BRD3: variants seen among roughly 807,000 people sequenced by gnomAD.
BRD3 encodes bromodomain containing 3.
Under a neutral mutation model 66.8 loss-of-function variants are expected in BRD3, and 17 were observed. The observed-to-expected ratio is 0.25, with a 90% CI of 0.17 to 0.38. The LOEUF (loss-of-function observed/expected upper bound fraction) is 0.38, where lower values mean the gene tolerates loss of function less well. BRD3 is among the 10% of genes least tolerant of loss of function. The probability of loss-of-function intolerance (pLI) is 1.00; values close to 1 mark genes in which losing one functional copy is unlikely to be tolerated. For synonymous variants in BRD3, 421 were observed against 393.2 expected, an observed-to-expected ratio of 1.07 and a Z score of -0.84; for missense variants, 713 against 956.1, an observed-to-expected ratio of 0.75 and a Z score of 3.35.
At position 134,034,251 on chromosome 9, in the gene BRD3, G is replaced by A. The variant is rs967767570; in HGVS notation, c.2065+450C>T. Among the ~76,000 whole-genome samples the A allele has an allele frequency of 1.6e-4, 25 of 152,244 alleles. 1 individual carries two copies. Among genetic ancestry groups the A allele is most frequent in the Admixed American group, 2.0e-4 (3 of 15,294 alleles). On this transcript the variant is annotated intron_variant, in intron 11 of 11. Transcript: ENST00000303407. ...CAGGGTCCAGAAAAAGGAGGCAAGG[G>A]CTCAAATGCTGGCTCCCCTGAGCAA... is the stretch of plus-strand genomic sequence containing the variant.
intron 7 of BRD3, among the ~76,000 whole-genome samples, chr9:134,044,803 C>T (rs924493377): frequency 6.6e-6 from 1 of 152,244 alleles, no homozygotes; most frequent in Non-Finnish European, 1.5e-5. Flanking sequence ...TCCCTGAAGA[C>T]ATCTCACTGC....
At chr9:134,043,746 T>C (rs188858883) in intron 7 of BRD3, among the ~76,000 whole-genome samples, 27 of 152,282 alleles carry the variant, frequency 1.8e-4, no homozygotes, top group Admixed American at 1.3e-3. Context: ...CAGGCTGGAG[T>C]GCTGTGCAAC....
At chr9:134,039,883 G>A in intron 9 of BRD3, 151 bp downstream of exon 9, 1 of 1,425,660 alleles carries the variant, frequency 7.0e-7, no homozygotes. Flanking sequence ...CCCAGCACAG[G>A]TCTCATCAGG....
intron 1 of BRD3, among the ~76,000 whole-genome samples, chr9:134,061,531 A>G (rs951820111): frequency 1.3e-5 from 2 of 152,142 alleles, no homozygotes; most frequent in African/African-American, 4.8e-5. Context: ...AAGCTAGGGG[A>G]GGCCTTTCCC....
chr9:134,051,547 C>T lies in BRD3; in HGVS notation c.499+15G>A, dbSNP rs199980105. ...CAGAGAGGCCCAGCCCCTCGCCTGC[C>T]CCAGCTCCCTTTACCTGCGCTCTGG... On this transcript the variant is annotated intron_variant, in intron 4 of 11. Transcript: ENST00000303407. The T allele has an allele frequency of 1.0e-5, 16 of 1,527,028 alleles. No individual in the cohort carries two copies. The highest frequency in any genetic ancestry group is 5.2e-6 in the Non-Finnish European group (6 of 1,150,630). The allele number at this position is 1,527,028 out of a possible 1,614,324, so 94.6% of individuals were successfully genotyped here.
Position 134,053,479 on chromosome 9 carries a change from C to T in BRD3, c.-2G>A, listed in dbSNP as rs536898517. 1.6e-5 allele frequency: 26 copies of T among 1,586,102 alleles called. No individual in the cohort carries two copies. The highest frequency in any genetic ancestry group is 4.2e-4 in the Middle Eastern group (2 of 4,808). On this transcript the variant is annotated 5_prime_UTR_variant, in exon 2 of 12. Coordinates refer to ENST00000303407, the MANE Select transcript of BRD3 (RefSeq NM_007371.4). ...GGCGACTGTCGTGGCGGTGGACATC[C>T]TCCGGCAGCTCACTCACTTTCTGTC...
At chr9:134,067,701 A>AGCGGAGCCC (rs1332399161) in intron 1 of BRD3, among the ~76,000 whole-genome samples, 7 of 144,696 alleles carry the variant, frequency 4.8e-5, no homozygotes, top group Admixed American at 4.8e-4. Flanking sequence ...GGAGGAGGGG[A>AGCGGAGCCC]GCGGAGCCCG....
At chr9:134,063,174 C>A (rs562093436) in intron 1 of BRD3, among the ~76,000 whole-genome samples, 1 of 152,240 alleles carries the variant, frequency 6.6e-6, no homozygotes, top group African/African-American at 2.4e-5. Context: ...TCTGCTCACC[C>A]CCAACCACAA....
At chr9:134,067,897 G>T in intron 1 of BRD3, 48 bp downstream of exon 1, 1 of 144,720 alleles carries the variant, frequency 6.9e-6, no homozygotes, top group South Asian at 1.9e-4. Context: ...GCCGCCGCCC[G>T]CGCCGCCCGC....
intron 9 of BRD3, among the ~76,000 whole-genome samples, chr9:134,038,300 G>A (rs867718748): frequency 2.2e-4 from 34 of 151,988 alleles, no homozygotes; most frequent in Admixed American, 1.3e-3. Context: ...GATTACAGGC[G>A]CCCGTCACCA....
chr9:134,053,595 A>G lies in BRD3; in HGVS notation c.-113-5T>C. 4.2e-6 allele frequency: 6 copies of G among 1,444,630 alleles called. No individual in the cohort carries two copies. Among genetic ancestry groups the G allele is most frequent in the Non-Finnish European group, 4.5e-6 (5 of 1,103,136 alleles). 89.5% of individuals were successfully genotyped at this position (1,444,630 alleles called of 1,614,324 possible). On this transcript the variant is annotated splice_polypyrimidine_tract_variant and splice_region_variant and intron_variant, in intron 1 of 11. Transcript: ENST00000303407. Reference sequence around the variant, plus strand: ...CCGGGCCCAACCAGGCGACAGCTGCAGAGGAGGAAGCACAACAGAGAGGAA... The same window carrying G: ...CCGGGCCCAACCAGGCGACAGCTGCGGAGGAGGAAGCACAACAGAGAGGAA...
rs113788064 is a variant in BRD3 at position 134,042,726 on chromosome 9, T to C, written c.1216-775A>G. 5.4e-5 allele frequency among the ~76,000 whole-genome samples: 8 copies of C among 148,162 alleles called. No homozygotes were observed. In the East Asian group the frequency reaches 5.9e-4, roughly 11 times the overall value. ...ACATATATATACACATATATACACATATATATACACACATATATACACATA... is the reference window on the plus strand; with the variant it reads ...ACATATATATACACATATATACACACATATATACACACATATATACACATA... On this transcript the variant is annotated intron_variant, in intron 7 of 11. Transcript: ENST00000303407.
In BRD3 at chr9:134,052,511, G is replaced by A. The variant is rs1830326817; in HGVS notation, c.214-68C>T. On this transcript the variant is annotated intron_variant, in intron 2 of 11. Transcript: ENST00000303407. ...TAATTATTTTCACAATTCCCAAGTGGACACAGCCCGACCTTCCCAAGTGGA... is the reference window on the plus strand; with the variant it reads ...TAATTATTTTCACAATTCCCAAGTGAACACAGCCCGACCTTCCCAAGTGGA... 2.6e-6 allele frequency: 4 copies of A among 1,522,260 alleles called. No homozygotes were observed. In the African/African-American group the frequency reaches 5.5e-5, roughly 21 times the overall value. The allele number at this position is 1,522,260 out of a possible 1,614,324, so 94.3% of individuals were successfully genotyped here. A position where few individuals can be genotyped will look rare whatever the true frequency, so the allele number is the denominator to read the frequency against.
chr9:134,051,871 GTGTGTGTTGTTTTTT>G (rs1347867608), intron 3 of BRD3, among the ~76,000 whole-genome samples, 162 bp from the exon 4 acceptor site: 34 of 110,538 alleles, frequency 3.1e-4, no homozygotes, highest in Middle Eastern at 4.8e-3. Context: ...GTGTGTGTGT[GTGTGTGTTGTTTTTT>G]TTGTTTTTTT....
At chr9:134,064,824 A>G (rs1400200595) in intron 1 of BRD3, among the ~76,000 whole-genome samples, 1 of 152,238 alleles carries the variant, frequency 6.6e-6, no homozygotes, top group African/African-American at 2.4e-5. Flanking sequence ...TTTCACAGGA[A>G]GGAGAATAGG....
Position 134,051,541 on chromosome 9 carries a change from G to A in BRD3, c.499+21C>T, listed in dbSNP as rs553822074. ...CCTCTGCAGAGAGGCCCAGCCCCTCGCCTGCCCCAGCTCCCTTTACCTGCG... is the reference window on the plus strand; with the variant it reads ...CCTCTGCAGAGAGGCCCAGCCCCTCACCTGCCCCAGCTCCCTTTACCTGCG... On this transcript the variant is annotated intron_variant, in intron 4 of 11. Transcript: ENST00000303407. 4.3e-5 allele frequency: 65 copies of A among 1,512,634 alleles called. 1 individual carries two copies. In the Admixed American group the frequency reaches 1.0e-3, roughly 24 times the overall value. 93.7% of individuals were successfully genotyped at this position (1,512,634 alleles called of 1,614,324 possible).
intron 9 of BRD3, 67 bp from the exon 10 acceptor site, chr9:134,036,391 A>G: frequency 1.9e-6 from 3 of 1,572,044 alleles, no homozygotes; most frequent in Non-Finnish European, 2.6e-6. Context: ...CCCACTGCAC[A>G]CACCCCTTCC....
At chr9:134,054,770 G>A (rs751624236) in intron 1 of BRD3, among the ~76,000 whole-genome samples, 3 of 152,150 alleles carry the variant, frequency 2.0e-5, no homozygotes, top group Non-Finnish European at 4.4e-5. Flanking sequence ...AATCTGCCTC[G>A]GTGGGCAGTT....
At chr9:134,043,829 T>C (rs1476323199) in intron 7 of BRD3, among the ~76,000 whole-genome samples, 1 of 152,218 alleles carries the variant, frequency 6.6e-6, no homozygotes, top group African/African-American at 2.4e-5. Flanking sequence ...TAGCTGGTAC[T>C]ACAGGGACAC....
Sources: allele counts gnomAD v4.1 joint callset (sites outside exome capture counted in the v4.1 genomes callset), GRCh38; gene constraint gnomAD v4.1.1; transcripts MANE v1.5; gene names NCBI Gene and HGNC (gene_info 2026-07-23, HGNC 2026-07-21).